The following PHACTR2 variants were observed in gnomAD, a reference collection of about 807,000 sequenced individuals.
The protein encoded by PHACTR2 is chromosome 6 open reading frame 56.
Under a neutral mutation model 76.0 loss-of-function variants are expected in PHACTR2, and 30 were observed. That is an observed-to-expected ratio of 0.39 (90% CI 0.30 to 0.54). PHACTR2 has a LOEUF of 0.54. PHACTR2 is among the 20% of genes least tolerant of loss of function. The probability of loss-of-function intolerance (pLI) is 0.61; values close to 1 mark genes in which losing one functional copy is unlikely to be tolerated. For synonymous variants in PHACTR2, 292 were observed against 292.5 expected (o/e 1.00, Z 0.02); for missense variants, 696 against 781.1 (o/e 0.89, Z 1.30).
At position 143,541,177 on chromosome 6, in the gene PHACTR2, T is replaced by C. The variant is rs963223055; in HGVS notation, c.217+3970T>C. Among the ~76,000 whole-genome samples, 5 of 152,266 alleles carry C rather than the reference T, an allele frequency of 3.3e-5. No homozygotes were observed. The highest frequency in any genetic ancestry group is 1.2e-4 in the African/African-American group (5 of 41,468). ...GTAAAATCTTGAAACAAGGTTCTCA[T>C]AGTATATGGTCATGTATTCTCTTAA... On this transcript the variant is annotated intron_variant, in intron 1 of 11. Transcript: ENST00000367584. This position sits in a 1 kb window ranked among gnomAD's most constrained non-coding sequence, Gnocchi z 5.3.
At position 143,589,251 on chromosome 6, in the gene PHACTR2, C is replaced by T. The variant is rs1775661571; in HGVS notation, c.217+52044C>T. Among the ~76,000 whole-genome samples the T allele has an allele frequency of 6.6e-6, 1 of 152,132 alleles. No homozygotes were observed. The highest frequency in any genetic ancestry group is 1.5e-5 in the Non-Finnish European group (1 of 68,014). On this transcript the variant is annotated intron_variant, in intron 1 of 11. Transcript: ENST00000367584. This position sits in a 1 kb window ranked among gnomAD's most constrained non-coding sequence, Gnocchi z 4.4. ...TAATCTCCAGTGTTGGAGGAGGGGTCTGGTGGGAGGTGATTGGATCATGGG... is the reference window on the plus strand; with the variant it reads ...TAATCTCCAGTGTTGGAGGAGGGGTTTGGTGGGAGGTGATTGGATCATGGG...
rs940046314 is a variant in PHACTR2, at chr6:143,710,832, G to A, written c.47-1184G>A. Among the ~76,000 whole-genome samples the A allele has an allele frequency of 2.4e-4, 36 of 152,068 alleles. No individual in the cohort carries two copies. Among genetic ancestry groups the A allele is most frequent in the African/African-American group, 8.7e-4 (36 of 41,402 alleles). ...AAAATACAGAGAAGATAAAAGAATT[G>A]GTATCACGCCTCATATGCGTATCTA... On this transcript the variant is annotated intron_variant, in intron 1 of 12. Transcript: ENST00000440869. The surrounding 1 kb of genome is among the most constrained non-coding windows in gnomAD (Gnocchi z 4.9).
chr6:143,540,217 A>G (rs1384044753), intron 1 of PHACTR2, among the ~76,000 whole-genome samples: 1 of 152,064 alleles, frequency 6.6e-6, no homozygotes, highest in East Asian at 1.9e-4. Flanking sequence ...TCATGAGTTA[A>G]CTCCCTGCTG....
In PHACTR2 at chr6:143,816,105, T is replaced by A. The variant is rs774855776; in HGVS notation, c.1923-7569T>A. ...GAAGAAAATATGTATGACTTTAGAT[T>A]GGAGTCTCAGGAAAGTTCTGAAAAG... On this transcript the variant is annotated intron_variant, in intron 12 of 12. Coordinates refer to ENST00000440869, the MANE Select transcript of PHACTR2 (RefSeq NM_001100164.2). This position sits in a 1 kb window ranked among gnomAD's most constrained non-coding sequence, Gnocchi z 4.5. Among the ~76,000 whole-genome samples the A allele has an allele frequency of 1.3e-5, 2 of 152,120 alleles. No individual in the cohort carries two copies. Among genetic ancestry groups the A allele is most frequent in the Non-Finnish European group, 2.9e-5 (2 of 68,016 alleles).
chr6:143,823,726 T>C lies in PHACTR2; in HGVS notation c.*37T>C. On this transcript the variant is annotated 3_prime_UTR_variant, in exon 13 of 13. Transcript: ENST00000440869. The surrounding 1 kb of genome is among the most constrained non-coding windows in gnomAD (Gnocchi z 5.7). ...ACTATTTGGAAACAGAGACTGATCA[T>C]CTTTGGGGGAAGCCCTGCTTCCTGA... 1 of 1,567,330 alleles carries C rather than the reference T, an allele frequency of 6.4e-7. No individual in the cohort carries two copies. The highest frequency in any genetic ancestry group is 8.8e-7 in the Non-Finnish European group (1 of 1,137,436).
Position 143,807,246 on chromosome 6 carries a change from C to G in PHACTR2, c.1922+113C>G. Reference sequence around the variant, plus strand: ...GGTAAATTTTATGATAGGTATATTTCATCACAATTAAAAAATGTTTTTAAA... The same window carrying G: ...GGTAAATTTTATGATAGGTATATTTGATCACAATTAAAAAATGTTTTTAAA... On this transcript the variant is annotated intron_variant, in intron 12 of 12. Coordinates refer to ENST00000440869, the MANE Select transcript of PHACTR2 (RefSeq NM_001100164.2). This position sits in a 1 kb window ranked among gnomAD's most constrained non-coding sequence, Gnocchi z 5.5. 1 of 639,138 alleles carries G rather than the reference C, an allele frequency of 1.6e-6. No homozygotes were observed. The highest frequency in any genetic ancestry group is 2.8e-6 in the Non-Finnish European group (1 of 359,086). The allele number at this position is 639,138 out of a possible 1,614,324, so 39.6% of individuals were successfully genotyped here.
At chr6:143,640,989 C>G (rs1776553755) in intron 1 of PHACTR2, among the ~76,000 whole-genome samples, 1 of 152,280 alleles carries the variant, frequency 6.6e-6, no homozygotes, top group Non-Finnish European at 1.5e-5. Context: ...AACAGAATAT[C>G]TGAGACAGGG....
chr6:143,711,028 GT>G (rs771938785), intron 1 of PHACTR2: 3 of 516,748 alleles, frequency 5.8e-6, no homozygotes, highest in Non-Finnish European at 1.2e-5. Flanking sequence ...TCAGTTTACG[GT>G]TTTTTAAAGG....
At position 143,591,572 on chromosome 6, in the gene PHACTR2, G is replaced by A. The variant is rs1287867405; in HGVS notation, c.217+54365G>A. On this transcript the variant is annotated intron_variant, in intron 1 of 11. Coordinates refer to the PHACTR2 transcript ENST00000367584. The surrounding 1 kb of genome is among the most constrained non-coding windows in gnomAD (Gnocchi z 6.4). ...CCAGAGAGGCCGCAGACCTGAGGCT[G>A]CTGTGAGTTCAGGAAGGAGGCATGA... 6.6e-6 allele frequency among the ~76,000 whole-genome samples: 1 copy of A among 152,216 alleles called. No homozygotes were observed. The highest frequency in any genetic ancestry group is 1.5e-5 in the Non-Finnish European group (1 of 68,034).
rs1310883471 is a variant in PHACTR2, at chr6:143,671,646, A to G, written c.14-40370A>G. Among the ~76,000 whole-genome samples, 1 of 152,238 alleles carries G rather than the reference A, an allele frequency of 6.6e-6. No homozygotes were observed. The highest frequency in any genetic ancestry group is 2.4e-5 in the African/African-American group (1 of 41,460). ...GTGCAGGTGTTTTTGTATTTTGTAT[A>G]ATTCTGTCTCCTAAGTACCTAGAAC... On this transcript the variant is annotated intron_variant, in intron 1 of 11. Transcript: ENST00000305766. This position sits in a 1 kb window ranked among gnomAD's most constrained non-coding sequence, Gnocchi z 4.6.
Position 143,548,133 on chromosome 6 carries a change from G to A in PHACTR2, c.217+10926G>A, listed in dbSNP as rs909358119. On this transcript the variant is annotated intron_variant, in intron 1 of 11. Coordinates refer to the PHACTR2 transcript ENST00000367584. The surrounding 1 kb of genome is among the most constrained non-coding windows in gnomAD (Gnocchi z 4.5). Reference sequence around the variant, plus strand: ...GACACTGGCAGATTCAGTGTTTGGCGAGGGCCTGCTTCCTGGTTCATAGAT... The same window carrying A: ...GACACTGGCAGATTCAGTGTTTGGCAAGGGCCTGCTTCCTGGTTCATAGAT... Among the ~76,000 whole-genome samples, 2 of 152,162 alleles carry A rather than the reference G, an allele frequency of 1.3e-5. No individual in the cohort carries two copies. The highest frequency in any genetic ancestry group is 2.9e-5 in the Non-Finnish European group (2 of 68,032).
intron 2 of PHACTR2, among the ~76,000 whole-genome samples, chr6:143,734,110 C>T (rs1024891798): frequency 6.6e-6 from 1 of 151,864 alleles, no homozygotes; most frequent in Non-Finnish European, 1.5e-5. Context: ...ATTTATTATT[C>T]ATTATAGGTC....
Position 143,794,367 on chromosome 6 carries a change from G to A in PHACTR2, c.1845+5457G>A, listed in dbSNP as rs1033400998. Among the ~76,000 whole-genome samples, 1 of 151,076 alleles carries A rather than the reference G, an allele frequency of 6.6e-6. No individual in the cohort carries two copies. The highest frequency in any genetic ancestry group is 1.5e-5 in the Non-Finnish European group (1 of 67,808). Reference sequence around the variant, plus strand: ...ATATTTAGATCAGATTTAAAATATTGTATTAAGTTAATTCATGTAAAAATT... The same window carrying A: ...ATATTTAGATCAGATTTAAAATATTATATTAAGTTAATTCATGTAAAAATT... On this transcript the variant is annotated intron_variant, in intron 11 of 12. Transcript: ENST00000440869. The surrounding 1 kb of genome is among the most constrained non-coding windows in gnomAD (Gnocchi z 4.1).
In PHACTR2 at chr6:143,639,658, G is replaced by A. The variant is rs1272748791; in HGVS notation, c.13+31336G>A. On this transcript the variant is annotated intron_variant, in intron 1 of 11. Coordinates refer to the PHACTR2 transcript ENST00000305766. The surrounding 1 kb of genome is among the most constrained non-coding windows in gnomAD (Gnocchi z 5.0). ...GATTAGCATACCCCATCATGAGTAA[G>A]GATAGCGATGGTTTGAGCAAGACAG... Among the ~76,000 whole-genome samples the A allele has an allele frequency of 6.6e-6, 1 of 152,130 alleles. No homozygotes were observed. The highest frequency in any genetic ancestry group is 2.4e-5 in the African/African-American group (1 of 41,432).
At chr6:143,642,854 G>A (rs887018621) in intron 1 of PHACTR2, among the ~76,000 whole-genome samples, 7 of 152,130 alleles carry the variant, frequency 4.6e-5, no homozygotes, top group Admixed American at 6.5e-5. Context: ...CTTGTCTTGG[G>A]ACTTCTAGTC....
At position 143,700,680 on chromosome 6, in the gene PHACTR2, T is replaced by G. The variant is rs79617402; in HGVS notation, c.47-11336T>G. Among the ~76,000 whole-genome samples, 1 of 152,270 alleles carries G rather than the reference T, an allele frequency of 6.6e-6. No homozygotes were observed. Among genetic ancestry groups the G allele is most frequent in the Admixed American group, 6.5e-5 (1 of 15,292 alleles). On this transcript the variant is annotated intron_variant, in intron 1 of 12. Transcript: ENST00000440869. This position sits in a 1 kb window ranked among gnomAD's most constrained non-coding sequence, Gnocchi z 4.1. ...TCTGTGCTGACGCACATTCCCAGCA[T>G]GAACAGGGTGATCATTATCCTATCA...
At chr6:143,649,182 T>C (rs964630750) in intron 1 of PHACTR2, among the ~76,000 whole-genome samples, 2 of 152,182 alleles carry the variant, frequency 1.3e-5, no homozygotes, top group Non-Finnish European at 2.9e-5. Context: ...CACATTTTTG[T>C]GTGTGTCTGT....
rs1453523868 is a variant in PHACTR2 at position 143,784,290 on chromosome 6, C to A, written c.1707+1010C>A. Among the ~76,000 whole-genome samples the A allele has an allele frequency of 6.6e-6, 1 of 152,140 alleles. No individual in the cohort carries two copies. Among genetic ancestry groups the A allele is most frequent in the African/African-American group, 2.4e-5 (1 of 41,424 alleles). ...ACCTCCCAAACTCAGACAATTGTTG[C>A]CACTTATTTATGAATATATAAATCT... On this transcript the variant is annotated intron_variant, in intron 10 of 12. Coordinates refer to ENST00000440869, the MANE Select transcript of PHACTR2 (RefSeq NM_001100164.2). The surrounding 1 kb of genome is among the most constrained non-coding windows in gnomAD (Gnocchi z 4.5).
At chr6:143,600,202 T>A (rs1242694874) in intron 1 of PHACTR2, among the ~76,000 whole-genome samples, 2 of 152,232 alleles carry the variant, frequency 1.3e-5, no homozygotes, top group East Asian at 3.8e-4. Flanking sequence ...ACTGGTGGCT[T>A]GTGGAGAGAA....
Sources: gnomAD v4.1 joint callset for allele counts (sites outside exome capture counted in the v4.1 genomes callset) on GRCh38, gnomAD v4.1.1 for gene constraint, Gnocchi (gnomAD v3.1) non-coding constraint, MANE v1.5 for transcripts, NCBI Gene and HGNC (gene_info 2026-07-23, HGNC 2026-07-21) for gene names.